Variants in NFIA observed in about 807,000 individuals in gnomAD.
The protein encoded by NFIA is nuclear factor I A.
A neutral mutation model predicts 62.8 loss-of-function variants in NFIA; 8 were observed. The ratio of observed to expected loss-of-function variants is 0.13; its 90% CI spans 0.07 to 0.23. NFIA has a LOEUF of 0.23. Among genes scored for constraint, NFIA ranks in the 10% least tolerant of loss-of-function variants. The probability of loss-of-function intolerance (pLI) is 1.00; values close to 1 mark genes in which losing one functional copy is unlikely to be tolerated. For missense variants in NFIA, 410 were observed against 642.1 expected, an observed-to-expected ratio of 0.64 and a Z score of 3.91; for synonymous variants, 235 against 238.1, an observed-to-expected ratio of 0.99 and a Z score of 0.12.
chr1:61,137,066 G>A (rs963466210), intron 2 of NFIA, among the ~76,000 whole-genome samples: 2 of 152,190 alleles, frequency 1.3e-5, no homozygotes, highest in African/African-American at 4.8e-5. Flanking sequence ...GATTATGAAT[G>A]TAAATATTGT....
At chr1:61,173,642 G>A (rs1178522810) in intron 2 of NFIA, among the ~76,000 whole-genome samples, 2 of 152,018 alleles carry the variant, frequency 1.3e-5, no homozygotes, top group East Asian at 1.9e-4. Context: ...CACCTGCCTC[G>A]GCCTCCCAAA....
At chr1:61,326,655 A>AGGG (rs1660953734) in intron 3 of NFIA, among the ~76,000 whole-genome samples, 1 of 152,218 alleles carries the variant, frequency 6.6e-6, no homozygotes, top group African/African-American at 2.4e-5. Flanking sequence ...CACGTACGGC[A>AGGG]GGTCCCAGGT....
At chr1:61,423,868 C>T (rs753441450) in intron 9 of NFIA, among the ~76,000 whole-genome samples, 2 of 151,914 alleles carry the variant, frequency 1.3e-5, no homozygotes, top group African/African-American at 2.4e-5. Context: ...CTTTATTTTC[C>T]CTGTGTCCTT....
At chr1:61,426,385 C>T (rs1041777634) in intron 9 of NFIA, 80 bp from the exon 10 acceptor site, 4 of 951,364 alleles carry the variant, frequency 4.2e-6, no homozygotes, top group East Asian at 5.2e-5. Context: ...TGCGTCGGCT[C>T]GGAGACTGTG....
At chr1:61,183,289 C>T (rs186173781) in intron 2 of NFIA, among the ~76,000 whole-genome samples, 39 of 152,220 alleles carry the variant, frequency 2.6e-4, no homozygotes, top group Admixed American at 8.5e-4. Context: ...TTGTAGGAGG[C>T]GTGCACGTCA....
intron 7 of NFIA, among the ~76,000 whole-genome samples, chr1:61,399,793 T>G (rs1004878754): frequency 7.9e-5 from 12 of 152,288 alleles, no homozygotes; most frequent in African/African-American, 2.6e-4. Context: ...TAGTTCTGAC[T>G]CCTCTTAAGA....
At chr1:61,257,678 AT>A (rs1251811342) in intron 2 of NFIA, among the ~76,000 whole-genome samples, 1 of 151,212 alleles carries the variant, frequency 6.6e-6, no homozygotes, top group African/African-American at 2.4e-5. Context: ...CTCTCATGTT[AT>A]TTGAATATTG....
intron 7 of NFIA, among the ~76,000 whole-genome samples, chr1:61,394,621 G>T (rs1273580936): frequency 6.6e-6 from 1 of 152,174 alleles, no homozygotes; most frequent in Non-Finnish European, 1.5e-5. Flanking sequence ...GGACACTAAG[G>T]AATATAGGAG....
At chr1:61,128,736 A>ATC (rs1317164158) in intron 2 of NFIA, among the ~76,000 whole-genome samples, 32 of 152,196 alleles carry the variant, frequency 2.1e-4, no homozygotes, top group African/African-American at 6.7e-4. Context: ...ATGGACATGA[A>ATC]ATGGACATTA....
intron 4 of NFIA, among the ~76,000 whole-genome samples, chr1:61,343,450 A>G (rs1212263904): frequency 2.0e-5 from 3 of 152,188 alleles, no homozygotes; most frequent in Non-Finnish European, 4.4e-5. Context: ...CAAGACAGGG[A>G]TGTGTGAAAA....
At chr1:61,316,649 C>T (rs1660381756) in intron 3 of NFIA, among the ~76,000 whole-genome samples, 1 of 152,168 alleles carries the variant, frequency 6.6e-6, no homozygotes, top group Non-Finnish European at 1.5e-5. Flanking sequence ...CAAGAGCGCT[C>T]TTACTTGGAG....
rs745611124 is a variant in NFIA, at chr1:61,456,633, T to G, written c.*1313T>G. On this transcript the variant is annotated 3_prime_UTR_variant, in exon 11 of 11. Transcript: ENST00000403491. Reference sequence around the variant, plus strand: ...AGATTGTCCAGAAGTTTTAAAGACCTTTGCATCCCTGAACTGGGCTATGGG... The same window carrying G: ...AGATTGTCCAGAAGTTTTAAAGACCGTTGCATCCCTGAACTGGGCTATGGG... 6.6e-6 allele frequency: 1 copy of G among 150,488 alleles called. No individual in the cohort carries two copies. The highest frequency in any genetic ancestry group is 1.5e-5 in the Non-Finnish European group (1 of 67,710). 9.3% of individuals were successfully genotyped at this position (150,488 alleles called of 1,614,324 possible). A position where few individuals can be genotyped will look rare whatever the true frequency, so the allele number is the denominator to read the frequency against.
At chr1:61,150,165 T>C (rs1053600448) in intron 2 of NFIA, among the ~76,000 whole-genome samples, 1 of 152,368 alleles carries the variant, frequency 6.6e-6, no homozygotes, top group African/African-American at 2.4e-5. Context: ...GAAAGAGCAC[T>C]GACCCGTGAG....
intron 1 of NFIA, among the ~76,000 whole-genome samples, chr1:61,087,035 G>A (rs1228224997): frequency 2.0e-5 from 3 of 151,996 alleles, no homozygotes; most frequent in Admixed American, 2.0e-4. Flanking sequence ...AAAGTTAGAC[G>A]TACTCCGAAA....
intron 2 of NFIA, among the ~76,000 whole-genome samples, chr1:61,125,454 C>T (rs548375632): frequency 6.6e-5 from 10 of 152,128 alleles, no homozygotes; most frequent in Non-Finnish European, 8.8e-5. Flanking sequence ...TAAAAGAATT[C>T]GATAACCAAG....
intron 2 of NFIA, among the ~76,000 whole-genome samples, chr1:61,166,518 C>T (rs912957399): frequency 6.6e-6 from 1 of 152,152 alleles, no homozygotes; most frequent in Non-Finnish European, 1.5e-5. Flanking sequence ...TGATAATGTA[C>T]TTAGTGAAGA....
At chr1:61,278,068 A>G (rs961739848) in intron 3 of NFIA, among the ~76,000 whole-genome samples, 5 of 152,008 alleles carry the variant, frequency 3.3e-5, no homozygotes, top group Non-Finnish European at 7.4e-5. Context: ...AAAAATATCT[A>G]TGCTTTGAAG....
At chr1:61,334,189 A>G (rs928484541) in intron 4 of NFIA, among the ~76,000 whole-genome samples, 1 of 152,096 alleles carries the variant, frequency 6.6e-6, no homozygotes, top group African/African-American at 2.4e-5. Flanking sequence ...TCCCAGGTTG[A>G]TGCTGAGGTA....
chr1:61,365,977 A>G (rs1461724904), intron 6 of NFIA, among the ~76,000 whole-genome samples: 1 of 152,212 alleles, frequency 6.6e-6, no homozygotes, highest in Non-Finnish European at 1.5e-5. Context: ...AATAAGGGAT[A>G]GTTTCCTTAA....
Sources: allele counts gnomAD v4.1 joint callset (sites outside exome capture counted in the v4.1 genomes callset), GRCh38; gene constraint gnomAD v4.1.1; transcripts MANE v1.5; gene names NCBI Gene and HGNC (gene_info 2026-07-23, HGNC 2026-07-21).